DIAPH3: variants seen among roughly 807,000 people sequenced by gnomAD.
The protein encoded by DIAPH3 is diaphanous related formin 3, also known as protein diaphanous homolog 3.
In DIAPH3, 117 loss-of-function variants were observed where a neutral mutation model predicts 144.3. The ratio of observed to expected loss-of-function variants is 0.81; its 90% CI spans 0.70 to 0.95. DIAPH3 has a LOEUF of 0.95. DIAPH3 is among the 40% of genes least tolerant of loss of function. The pLI, the probability that DIAPH3 is intolerant of heterozygous loss-of-function variation, is 0.00. For missense variants in DIAPH3, 1,421 were observed against 1,412.7 expected (o/e 1.01, Z -0.09); for synonymous variants, 519 against 488.9 (o/e 1.06, Z -0.81).
intron 27 of DIAPH3, among the ~76,000 whole-genome samples, chr13:59,763,132 T>G (rs559401329): frequency 1.3e-5 from 2 of 152,272 alleles, no homozygotes; most frequent in South Asian, 4.1e-4. Flanking sequence ...TTTCAAATAT[T>G]GTACTATTTT....
intron 9 of DIAPH3, among the ~76,000 whole-genome samples, chr13:60,007,213 G>A (rs909313823): frequency 5.9e-5 from 9 of 151,768 alleles, no homozygotes; most frequent in Admixed American, 6.6e-5. Context: ...CATCATGCCC[G>A]GCTAATTTTT....
At chr13:60,150,317 G>A (rs1951725399) in intron 1 of DIAPH3, among the ~76,000 whole-genome samples, 1 of 152,012 alleles carries the variant, frequency 6.6e-6, no homozygotes. Context: ...GAGCCACCGC[G>A]CCTGGCCGCT....
At chr13:60,062,729 T>C (rs2141301938) in intron 4 of DIAPH3, among the ~76,000 whole-genome samples, 1 of 152,296 alleles carries the variant, frequency 6.6e-6, no homozygotes, top group East Asian at 1.9e-4. Flanking sequence ...ACGTGAACTT[T>C]TTGGTTTCCC....
At chr13:59,994,969 G>C (rs544092149) in intron 9 of DIAPH3, among the ~76,000 whole-genome samples, 1 of 151,786 alleles carries the variant, frequency 6.6e-6, no homozygotes, top group Non-Finnish European at 1.5e-5. Flanking sequence ...GTAAATTTTT[G>C]AGCAAGGAGG....
chr13:59,798,576 A>C (rs1021140494), intron 25 of DIAPH3, among the ~76,000 whole-genome samples: 1 of 152,220 alleles, frequency 6.6e-6, no homozygotes, highest in Non-Finnish European at 1.5e-5. Context: ...TCAAGATTCC[A>C]CATTTCAAAG....
chr13:60,103,482 A>C (rs2058330575), intron 3 of DIAPH3, among the ~76,000 whole-genome samples: 1 of 152,186 alleles, frequency 6.6e-6, no homozygotes, highest in Non-Finnish European at 1.5e-5. Flanking sequence ...ATTCAACCAA[A>C]AAGGAAAAAC....
intron 1 of DIAPH3, among the ~76,000 whole-genome samples, chr13:60,134,968 T>C (rs2059232425): frequency 1.3e-5 from 2 of 151,904 alleles, no homozygotes; most frequent in African/African-American, 2.4e-5. Flanking sequence ...AATTTTAAAA[T>C]AAAGACGACT....
intron 4 of DIAPH3, among the ~76,000 whole-genome samples, chr13:60,068,986 C>A (rs1327612351): frequency 6.6e-6 from 1 of 151,978 alleles, no homozygotes; most frequent in African/African-American, 2.4e-5. Context: ...ATTTATATTC[C>A]TTTGGGTATA....
chr13:60,024,428 C>T (rs960127171), intron 5 of DIAPH3, among the ~76,000 whole-genome samples: 10 of 152,112 alleles, frequency 6.6e-5, no homozygotes, highest in Non-Finnish European at 2.9e-5. Flanking sequence ...TTTTTCACTT[C>T]TAAGATTTAC....
intron 12 of DIAPH3, among the ~76,000 whole-genome samples, chr13:59,987,219 G>A (rs1160153274): frequency 2.0e-4 from 31 of 151,318 alleles, no homozygotes; most frequent in Middle Eastern, 3.4e-3. Context: ...GTAAACTATC[G>A]CAAGAACGAA....
At chr13:59,774,396 G>A (rs1285030278) in intron 26 of DIAPH3, 148 bp from the exon 27 acceptor site, 2 of 711,944 alleles carry the variant, frequency 2.8e-6, no homozygotes, top group South Asian at 1.8e-5. Context: ...AAGCAGTAAT[G>A]TTATGACTTT....
chr13:59,945,770 A>G (rs866925739), intron 17 of DIAPH3, among the ~76,000 whole-genome samples: 1 of 152,166 alleles, frequency 6.6e-6, no homozygotes, highest in Non-Finnish European at 1.5e-5. Context: ...TGACATGAGA[A>G]CCAGGGTCAA....
At chr13:60,157,281 T>C (rs556648709) in intron 1 of DIAPH3, among the ~76,000 whole-genome samples, 1 of 152,238 alleles carries the variant, frequency 6.6e-6, no homozygotes, top group Admixed American at 6.5e-5. Flanking sequence ...TGTAGCGCAG[T>C]ACATGGGCCT....
chr13:60,032,333 C>T (rs903510734), intron 5 of DIAPH3, among the ~76,000 whole-genome samples: 17 of 152,212 alleles, frequency 1.1e-4, no homozygotes, highest in Non-Finnish European at 4.4e-5. Flanking sequence ...CACATTTCCC[C>T]TTGGTACTAC....
intron 27 of DIAPH3, among the ~76,000 whole-genome samples, chr13:59,738,732 A>C (rs923667767): frequency 6.6e-6 from 1 of 152,226 alleles, no homozygotes; most frequent in Admixed American, 6.5e-5. Flanking sequence ...TGCAACACCC[A>C]TAAGGGAATT....
At chr13:60,034,839 T>G (rs2055088834) in intron 5 of DIAPH3, 3 of 152,302 alleles carry the variant, frequency 2.0e-5, no homozygotes, top group Middle Eastern at 3.4e-3. Context: ...AAATCTATTT[T>G]TTAATAGAGT....
chr13:59,666,416 G>A lies in DIAPH3; in HGVS notation c.*168C>T. 1 of 780,078 alleles carries A rather than the reference G, an allele frequency of 1.3e-6. No individual in the cohort carries two copies. 48.3% of individuals were successfully genotyped at this position (780,078 alleles called of 1,614,324 possible). On this transcript the variant is annotated 3_prime_UTR_variant, in exon 28 of 28. Transcript: ENST00000400324. The stretch of plus-strand genomic sequence containing the variant: ...AATCTTGAATAAACCAAAACCTCCA[G>A]TACATAGAAAAAGCATTGCAATCAT...
chr13:60,104,732 G>C (rs1239782098), intron 3 of DIAPH3, among the ~76,000 whole-genome samples: 3 of 152,172 alleles, frequency 2.0e-5, no homozygotes, highest in Non-Finnish European at 2.9e-5. Flanking sequence ...TGCCAGAATT[G>C]TTCAAGTGTA....
chr13:60,119,059 C>G (rs1019058406), intron 2 of DIAPH3, among the ~76,000 whole-genome samples: 3 of 152,186 alleles, frequency 2.0e-5, no homozygotes, highest in Non-Finnish European at 4.4e-5. Context: ...ATCACTGTGG[C>G]AGCCCGTCTC....
Sources: allele counts gnomAD v4.1 joint callset (sites outside exome capture counted in the v4.1 genomes callset), GRCh38; gene constraint gnomAD v4.1.1; transcripts MANE v1.5; gene names NCBI Gene and HGNC (gene_info 2026-07-23, HGNC 2026-07-21).